KDM3A: variants seen among roughly 807,000 people sequenced by gnomAD.
KDM3A encodes lysine-specific demethylase 3A.
A neutral mutation model predicts 158.0 loss-of-function variants in KDM3A; 60 were observed. That is an observed-to-expected ratio of 0.38 (90% CI 0.31 to 0.47). The LOEUF is 0.47. Ranked by LOEUF, KDM3A falls within the 20% of genes least tolerant of loss-of-function variation. The pLI is 0.99. For synonymous variants in KDM3A, 608 were observed against 549.3 expected (o/e 1.11, Z -1.49); for missense variants, 1,319 against 1,574.3 (o/e 0.84, Z 2.74).
chr2:86,450,705 T>C (rs1672420447), intron 3 of KDM3A, among the ~76,000 whole-genome samples: 1 of 152,160 alleles, frequency 6.6e-6, no homozygotes, highest in Admixed American at 6.5e-5. Flanking sequence ...AAAGAGCTGC[T>C]ATGGAGATTC....
intron 12 of KDM3A, among the ~76,000 whole-genome samples, chr2:86,476,385 T>C (rs1673659212): frequency 1.0e-5 from 1 of 98,586 alleles, no homozygotes; most frequent in African/African-American, 4.8e-5. Context: ...AGTTATCTTT[T>C]ACAGCATAAT....
intron 4 of KDM3A, among the ~76,000 whole-genome samples, chr2:86,454,118 T>C (rs1206172419): frequency 6.6e-6 from 1 of 152,228 alleles, no homozygotes; most frequent in Non-Finnish European, 1.5e-5. Context: ...AGATTTTCTG[T>C]TTGTCCCCCC....
chr2:86,455,283 A>AT, intron 5 of KDM3A, 96 bp downstream of exon 5: 7 of 713,580 alleles, frequency 9.8e-6, no homozygotes, highest in Non-Finnish European at 4.6e-6. Context: ...GCTCATGGAA[A>AT]TTTCTTTTTT....
chr2:86,480,346 C>T lies in KDM3A; in HGVS notation c.2496C>T (p.Val832=), dbSNP rs1391359686. ...TGGCCGACCTAACCAGCGGGAATGT[C>T]AACAAGGAAAACAAGGGTGAGTGTT... ...NWLADLTSGN[V]NKENKEKQPT... The change falls in exon 16 of 26, where the codon GTC becomes GTT. Residue 832 remains valine (V), a synonymous_variant. Transcript: ENST00000312912. 1 of 1,612,490 alleles carries T rather than the reference C, an allele frequency of 6.2e-7. No individual in the cohort carries two copies. Among genetic ancestry groups the T allele is most frequent in the Non-Finnish European group, 8.5e-7 (1 of 1,178,916 alleles).
rs369677697 is a variant in KDM3A at position 86,490,946 on chromosome 2, T to C, written c.3639T>C (p.Tyr1213=). The C allele has an allele frequency of 2.5e-6, 4 of 1,613,832 alleles. No individual in the cohort carries two copies. The highest frequency in any genetic ancestry group is 1.7e-5 in the Admixed American group (1 of 59,982). Residue 1213 remains tyrosine, a synonymous_variant, in exon 24 of 26, where the codon TAT becomes TAC. Coordinates refer to ENST00000312912, the MANE Select transcript of KDM3A (RefSeq NM_018433.6). ...DHDPIHDQSW[Y]LDRSLRKRLH... ...ATCCTATTCATGATCAAAGCTGGTATTTAGACCGATCATTAAGAAAACGTC... is the reference window on the plus strand; with the variant it reads ...ATCCTATTCATGATCAAAGCTGGTACTTAGACCGATCATTAAGAAAACGTC...
chr2:86,442,967 C>T (rs914697539), intron 2 of KDM3A, among the ~76,000 whole-genome samples: 4 of 152,072 alleles, frequency 2.6e-5, no homozygotes, highest in Non-Finnish European at 1.5e-5. Flanking sequence ...ATCATTATGA[C>T]ACTCAGAACC....
chr2:86,482,631 C>A lies in KDM3A; in HGVS notation c.2859C>A (p.Cys953Ter). Residue 953 changes from cysteine to a stop codon, truncating the protein, a stop_gained, in exon 18 of 26, where the codon TGC becomes TGA. Transcript: ENST00000312912. LOFTEE classifies it high-confidence loss of function. ...GGCTTTGTGATAATCGCTTGCTGTGCTTGCAAGACCCCAACAATAAGAGCA... is the reference window on the plus strand; with the variant it reads ...GGCTTTGTGATAATCGCTTGCTGTGATTGCAAGACCCCAACAATAAGAGCA... The part of the protein sequence containing the change: ...HYWLCDNRLL[C>*]LQDPNNKSNW... 6.2e-7 allele frequency: 1 copy of A among 1,614,088 alleles called. No individual in the cohort carries two copies. Among genetic ancestry groups the A allele is most frequent in the Non-Finnish European group, 8.5e-7 (1 of 1,179,998 alleles).
chr2:86,441,811 G>A (rs1400564644), intron 1 of KDM3A, among the ~76,000 whole-genome samples: 2 of 150,078 alleles, frequency 1.3e-5, no homozygotes, highest in Non-Finnish European at 3.0e-5. Context: ...ACTTGGGAGA[G>A]CGAGGGTCAC....
At chr2:86,467,159 A>G (rs145415577) in intron 10 of KDM3A, among the ~76,000 whole-genome samples, 1 of 152,272 alleles carries the variant, frequency 6.6e-6, no homozygotes, top group South Asian at 2.1e-4. Flanking sequence ...GTAGGTGTCT[A>G]TTAGTATTTT....
chr2:86,456,091 T>A (rs1242972829), intron 5 of KDM3A, among the ~76,000 whole-genome samples: 1 of 152,168 alleles, frequency 6.6e-6, no homozygotes, highest in Non-Finnish European at 1.5e-5. Flanking sequence ...TACCTTCCCA[T>A]TTGTGTTACT....
Position 86,466,654 on chromosome 2 carries a change from T to C in KDM3A, c.1290T>C (p.Ile430=), listed in dbSNP as rs772389398. Residue 430 remains isoleucine, a synonymous_variant, in exon 10 of 26, where the codon ATT becomes ATC. Coordinates refer to ENST00000312912, the MANE Select transcript of KDM3A (RefSeq NM_018433.6). ...CTTCTTCTAAGGCAGAATTGGAAAT[T>C]GCCAATCCTCCTGAACTGCAGAAGC... ...TKASSKAELE[I]ANPPELQKHL... 8.7e-6 allele frequency: 14 copies of C among 1,613,840 alleles called. No individual in the cohort carries two copies. In the Admixed American group the frequency reaches 2.3e-4, roughly 27 times the overall value.
chr2:86,442,358 C>A, intron 2 of KDM3A, 125 bp downstream of exon 2: 1 of 883,596 alleles, frequency 1.1e-6, no homozygotes, highest in Non-Finnish European at 1.7e-6. Flanking sequence ...TCTGAAGGTG[C>A]AGGAAGCTAG....
chr2:86,489,588 G>C lies in KDM3A; in HGVS notation c.3502G>C (p.Glu1168Gln), dbSNP rs1230189396. 1 of 1,613,926 alleles carries C rather than the reference G, an allele frequency of 6.2e-7. No individual in the cohort carries two copies. The highest frequency in any genetic ancestry group is 8.5e-7 in the Non-Finnish European group (1 of 1,180,004). Residue 1168 changes from glutamate (E) to glutamine (Q), a missense_variant, in exon 23 of 26, where the codon GAG becomes CAG. Glu to Gln is a conservative substitution (Grantham distance 29). Coordinates refer to ENST00000312912, the MANE Select transcript of KDM3A (RefSeq NM_018433.6). ...AATAAAGCGATTTATTGAAGGAAAA[G>C]AGAAGCCAGGAGCACTGTGGCACAT... ...LTIKRFIEGK[E>Q]KPGALWHIYA...
intron 8 of KDM3A, among the ~76,000 whole-genome samples, chr2:86,458,882 G>A (rs1168415138): frequency 6.6e-6 from 1 of 152,056 alleles, no homozygotes; most frequent in Non-Finnish European, 1.5e-5. Flanking sequence ...ATGAGGGAAG[G>A]ACATGAGAAT....
rs772536173 is a variant in KDM3A at position 86,466,567 on chromosome 2, C to T, written c.1203C>T (p.Asn401=). ...TQPKTNTDQE[N]RLESVPQALT... ...CTAAGACAAACACTGATCAGGAAAA[C>T]AGATTGGAGTCTGTTCCACAAGCAT... The change falls in exon 10 of 26, where the codon AAC becomes AAT. Residue 401 remains asparagine, a synonymous_variant. Coordinates refer to ENST00000312912, the MANE Select transcript of KDM3A (RefSeq NM_018433.6). 5.0e-6 allele frequency: 8 copies of T among 1,613,818 alleles called. No individual in the cohort carries two copies. The Admixed American group carries it at 1.2e-4, about 24-fold the overall frequency.
Position 86,492,025 on chromosome 2 carries a change from CCTA to C in KDM3A, c.3886-10_3886-8del, listed in dbSNP as rs752904636. 19 of 1,577,978 alleles carry C rather than the reference CCTA, an allele frequency of 1.2e-5. No individual in the cohort carries two copies. The highest frequency in any genetic ancestry group is 1.3e-5 in the Non-Finnish European group (15 of 1,149,528). ...TAAATGTAAAATGCCCATATTTTCT[CCTA>C]CTATTTTTAGGTGAAGAATGTTATC... On this transcript the variant is annotated splice_polypyrimidine_tract_variant and intron_variant, in intron 25 of 25. Coordinates refer to ENST00000312912, the MANE Select transcript of KDM3A (RefSeq NM_018433.6).
In KDM3A at chr2:86,492,101, C is replaced by T; in HGVS notation, c.3948C>T (p.Ser1316=). 1 of 1,613,034 alleles carries T rather than the reference C, an allele frequency of 6.2e-7. No individual in the cohort carries two copies. The highest frequency in any genetic ancestry group is 8.5e-7 in the Non-Finnish European group (1 of 1,179,236). The change falls in exon 26 of 26, where the codon TCC becomes TCT. Residue 1316 remains serine, a synonymous_variant. Coordinates refer to ENST00000312912, the MANE Select transcript of KDM3A (RefSeq NM_018433.6). ...TTGCTATGCTGAAAGCCAGTGAATC[C>T]AGTTTTGGCAAACCTTAATCTCCCT... The part of the protein sequence containing the change: ...DAVAMLKASE[S]SFGKP
At chr2:86,473,606 T>G (rs2104680946) in intron 11 of KDM3A, among the ~76,000 whole-genome samples, 1 of 152,172 alleles carries the variant, frequency 6.6e-6, no homozygotes, top group African/African-American at 2.4e-5. Context: ...GAAAATTAGC[T>G]GGGCGTGGTG....
chr2:86,470,120 G>A (rs1673332460), intron 10 of KDM3A, 84 bp from the exon 11 acceptor site: 5 of 1,103,144 alleles, frequency 4.5e-6, no homozygotes, highest in Non-Finnish European at 6.8e-6. Context: ...AGGGAATATT[G>A]GGTTTTTGAA....
Sources: allele counts gnomAD v4.1 joint callset (sites outside exome capture counted in the v4.1 genomes callset), GRCh38; gene constraint gnomAD v4.1.1; transcripts MANE v1.5; gene names NCBI Gene and HGNC (gene_info 2026-07-23, HGNC 2026-07-21).